The following CCDC157 variants were observed in gnomAD, a reference collection of about 807,000 sequenced individuals.
CCDC157 encodes the protein coiled-coil domain-containing protein 157.
CCDC157 carries 60 observed loss-of-function variants against 70.9 expected under a neutral mutation model. The observed-to-expected ratio is 0.85, with a 90% CI of 0.69 to 1.05. The LOEUF (loss-of-function observed/expected upper bound fraction) is 1.05. Among genes scored for constraint, CCDC157 ranks in the 50% least tolerant of loss-of-function variants. The pLI is 0.00. For synonymous variants in CCDC157, 373 were observed against 422.4 expected (o/e 0.88, Z 1.43); for missense variants, 943 against 984.2 (o/e 0.96, Z 0.56).
In CCDC157 at chr22:30,366,184, G is replaced by C. The variant is rs1275092968; in HGVS notation, c.184G>C (p.Val62Leu). 1 of 1,613,694 alleles carries C rather than the reference G, an allele frequency of 6.2e-7. No individual in the cohort carries two copies. Among genetic ancestry groups the C allele is most frequent in the East Asian group, 2.2e-5 (1 of 44,880 alleles). ...MVALLEHYDHVPGDPEFTQLS... is the reference protein window; with the variant it reads ...MVALLEHYDHLPGDPEFTQLS... ...GGCCCTGCTGGAGCACTATGACCAT[G>C]TTCCGGGTGACCCCGAGTTCACGCA... Residue 62 changes from valine to leucine, a missense_variant, in exon 3 of 12, where the codon GTT becomes CTT. Physicochemically the swap from Val to Leu is conservative, Grantham distance 32. Coordinates refer to ENST00000338306, the MANE Select transcript of CCDC157 (RefSeq NM_001017437.5).
chr22:30,368,427 G>T (rs1443076656), intron 3 of CCDC157, among the ~76,000 whole-genome samples: 2 of 152,220 alleles, frequency 1.3e-5, no homozygotes, highest in African/African-American at 4.8e-5. Flanking sequence ...GTGTAGCATT[G>T]AGCTGCTCAG....
intron 1 of CCDC157, among the ~76,000 whole-genome samples, chr22:30,359,345 G>C (rs1932168269): frequency 6.6e-6 from 1 of 152,218 alleles, no homozygotes; most frequent in African/African-American, 2.4e-5. Context: ...CATGTGTGTT[G>C]TGAGTATCAT....
At chr22:30,360,437 A>G (rs560551623) in intron 1 of CCDC157, among the ~76,000 whole-genome samples, 103 of 152,062 alleles carry the variant, frequency 6.8e-4, no homozygotes, top group African/African-American at 2.3e-3. Context: ...CCCAGGAGGC[A>G]GAGCTTGCAG....
chr22:30,360,014 AC>A (rs1403537768), intron 1 of CCDC157, among the ~76,000 whole-genome samples: 1 of 152,158 alleles, frequency 6.6e-6, no homozygotes, highest in East Asian at 1.9e-4. Context: ...GTGCGGTGGC[AC>A]CCACCTGTAG....
chr22:30,367,350 T>G (rs980635883), intron 3 of CCDC157, among the ~76,000 whole-genome samples: 3 of 151,980 alleles, frequency 2.0e-5, no homozygotes, highest in Non-Finnish European at 2.9e-5. Context: ...ATTCTCCTGC[T>G]TCAGCCTCCA....
In CCDC157 at chr22:30,375,643, G is replaced by A; in HGVS notation, c.1837G>A (p.Ala613Thr). 2 of 1,613,662 alleles carry A rather than the reference G, an allele frequency of 1.2e-6. No individual in the cohort carries two copies. Among genetic ancestry groups the A allele is most frequent in the South Asian group, 1.1e-5 (1 of 91,040 alleles). The change falls in exon 10 of 12, where the codon GCC (alanine) becomes ACC (threonine). Residue 613 changes from alanine (A) to threonine (T), a missense_variant. By Grantham distance (58) the Ala-to-Thr change is moderately conservative. Coordinates refer to ENST00000338306, the MANE Select transcript of CCDC157 (RefSeq NM_001017437.5). ...QSMLSKIREV[A>T]QQGGLKLIPQ... Reference sequence around the variant, plus strand: ...AATGCTGTCCAAAATCCGGGAAGTGGCCCAGCAGGGTGGCCTCAAGGTGGG... The same window carrying A: ...AATGCTGTCCAAAATCCGGGAAGTGACCCAGCAGGGTGGCCTCAAGGTGGG...
chr22:30,370,264 C>A, intron 4 of CCDC157, 62 bp from the exon 5 acceptor site: 1 of 1,554,880 alleles, frequency 6.4e-7, no homozygotes. Flanking sequence ...CCCCAGGGAA[C>A]CAGTCACCTC....
chr22:30,370,196 CAG>C (rs1328953548), intron 4 of CCDC157, 128 bp from the exon 5 acceptor site: 3 of 1,014,702 alleles, frequency 3.0e-6, no homozygotes, highest in Admixed American at 2.2e-5. Flanking sequence ...ACGTCGGTGT[CAG>C]AGAACATTTG....
At chr22:30,365,738 C>T (rs928637066) in intron 2 of CCDC157, among the ~76,000 whole-genome samples, 1 of 152,160 alleles carries the variant, frequency 6.6e-6, no homozygotes, top group Admixed American at 6.5e-5. Flanking sequence ...CATACACAAG[C>T]CCTCAGGAAG....
intron 2 of CCDC157, among the ~76,000 whole-genome samples, chr22:30,364,806 C>T (rs1205533560): frequency 6.8e-6 from 1 of 147,068 alleles, no homozygotes; most frequent in Non-Finnish European, 1.5e-5. Flanking sequence ...CAGAGCTAGA[C>T]ACCATCTCAA....
At chr22:30,371,418 A>G (rs368568524) in intron 5 of CCDC157, 37 of 565,126 alleles carry the variant, frequency 6.5e-5, no homozygotes, top group East Asian at 5.2e-4. Flanking sequence ...AGTTGCCTCC[A>G]TGGACGACAC....
intron 2 of CCDC157, among the ~76,000 whole-genome samples, chr22:30,364,556 C>G (rs1263926239): frequency 6.6e-6 from 1 of 152,110 alleles, no homozygotes; most frequent in African/African-American, 2.4e-5. Context: ...CGCCTGTAAT[C>G]CCAGCACTTT....
Position 30,366,152 on chromosome 22 carries a change from A to T in CCDC157, c.152A>T (p.Asp51Val). 6.2e-7 allele frequency: 1 copy of T among 1,613,814 alleles called. No individual in the cohort carries two copies. The highest frequency in any genetic ancestry group is 2.2e-5 in the East Asian group (1 of 44,882). The change falls in exon 3 of 12, where the codon GAC becomes GTC. Residue 51 changes from aspartate (D) to valine (V), a missense_variant. Coordinates refer to ENST00000338306, the MANE Select transcript of CCDC157 (RefSeq NM_001017437.5). ...KFPDRMACDL[D>V]MVALLEHYDH... ...CCTGACCGCATGGCCTGTGACCTCG[A>T]CATGGTGGCCCTGCTGGAGCACTAT...
At chr22:30,356,788 G>C (rs1931891162), upstream of CCDC157, 2 of 1,417,452 alleles carry the variant, frequency 1.4e-6, no homozygotes, top group Non-Finnish European at 1.9e-6. Context: ...GGGTCCGGCC[G>C]GCATGACTGC....
At chr22:30,365,184 G>A (rs1932637861) in intron 2 of CCDC157, among the ~76,000 whole-genome samples, 1 of 152,208 alleles carries the variant, frequency 6.6e-6, no homozygotes, top group South Asian at 2.1e-4. Context: ...TAATATCCAG[G>A]AACCCTGGAG....
chr22:30,376,024 C>G, intron 10 of CCDC157: 1 of 473,352 alleles, frequency 2.1e-6, no homozygotes, highest in South Asian at 2.9e-5. Context: ...CCCGTTTCTA[C>G]AAAAAAAAAA....
chr22:30,374,244 C>T, intron 9 of CCDC157, 153 bp downstream of exon 9: 1 of 857,514 alleles, frequency 1.2e-6, no homozygotes, highest in South Asian at 1.7e-5. Context: ...GTGGACCCAC[C>T]ACAGCACGCA....
At chr22:30,371,017 G>A in intron 5 of CCDC157, 67 bp downstream of exon 5, 2 of 1,508,420 alleles carry the variant, frequency 1.3e-6, no homozygotes, top group Non-Finnish European at 1.8e-6. Flanking sequence ...ATGGATGTTT[G>A]TGAGACAGGG....
intron 8 of CCDC157, 58 bp from the exon 9 acceptor site, chr22:30,373,865 G>T: frequency 6.4e-7 from 1 of 1,555,888 alleles, no homozygotes. Flanking sequence ...GGTGCCCCAG[G>T]GCGCTGAGTA....
Sources: allele counts gnomAD v4.1 joint callset (sites outside exome capture counted in the v4.1 genomes callset), GRCh38; gene constraint gnomAD v4.1.1; transcripts MANE v1.5; gene names NCBI Gene and HGNC (gene_info 2026-07-23, HGNC 2026-07-21).